Variants in INSL6 observed in about 807,000 individuals in gnomAD.
INSL6 encodes the protein insulin like 6.
Under a neutral mutation model 9.4 loss-of-function variants are expected in INSL6, and 16 were observed. The ratio of observed to expected loss-of-function variants is 1.70; its 90% CI spans 1.15 to 2.59. The LOEUF is 2.59. INSL6 is among the 30% of genes most tolerant of loss of function. INSL6 has a pLI of 0.00. For synonymous variants in INSL6, 154 were observed against 96.9 expected (o/e 1.59, Z -3.46); for missense variants, 391 against 257.3 (o/e 1.52, Z -3.56).
downstream of INSL6, among the ~76,000 whole-genome samples, chr9:5,119,864 T>A (rs965154317): frequency 6.6e-6 from 1 of 152,192 alleles, no homozygotes; most frequent in Admixed American, 6.5e-5. Flanking sequence ...ATTTTTATAT[T>A]TGCAAGTAGA....
chr9:4,993,851 C>T, the INSL6 span, among the ~76,000 whole-genome samples: 22 of 152,354 alleles, frequency 1.4e-4, no homozygotes, highest in African/African-American at 4.1e-4. Context: ...ATTCTCCCCA[C>T]GTCTGTGTGG....
At chr9:4,995,919 G>T in the INSL6 span, among the ~76,000 whole-genome samples, 1 of 151,954 alleles carries the variant, frequency 6.6e-6, no homozygotes, top group African/African-American at 2.4e-5. Flanking sequence ...GCTAACTTAT[G>T]TGTCTGCTCT....
the INSL6 span, among the ~76,000 whole-genome samples, chr9:5,048,852 G>C: frequency 3.9e-5 from 6 of 152,174 alleles, no homozygotes; most frequent in African/African-American, 1.4e-4. Context: ...GAGGGCCCTT[G>C]TCCGGTTTAA....
chr9:5,089,983 C>A, the INSL6 span: 2 of 521,620 alleles, frequency 3.8e-6, no homozygotes, highest in Non-Finnish European at 6.1e-6. Context: ...GAGAGGCATT[C>A]TATAATGACT....
chr9:5,163,582 T>C (rs1564049097), downstream of INSL6, among the ~76,000 whole-genome samples: 1 of 152,154 alleles, frequency 6.6e-6, no homozygotes, highest in Non-Finnish European at 1.5e-5. Context: ...TTGTGTGTCA[T>C]ACAGATGGAA....
chr9:5,069,075 A>G, the INSL6 span: 1 of 1,607,428 alleles, frequency 6.2e-7, no homozygotes, highest in Non-Finnish European at 8.5e-7. Context: ...ATGAGAATGA[A>G]GAGTACAACC....
At chr9:5,094,126 T>C in the INSL6 span, 1 of 152,142 alleles carries the variant, frequency 6.6e-6, no homozygotes, top group Non-Finnish European at 1.5e-5. Context: ...TTTTCCTACT[T>C]ATATTCCCAC....
At chr9:5,002,597 G>A in the INSL6 span, among the ~76,000 whole-genome samples, 2 of 152,062 alleles carry the variant, frequency 1.3e-5, no homozygotes, top group East Asian at 3.9e-4. Context: ...AAGGATGTAT[G>A]TTCTGCAGTT....
the INSL6 span, among the ~76,000 whole-genome samples, chr9:5,102,569 C>G: frequency 1.3e-5 from 2 of 152,122 alleles, no homozygotes; most frequent in Non-Finnish European, 1.5e-5. Flanking sequence ...TCGAGAAGAG[C>G]AACCCCAAGA....
chr9:5,052,134 G>C, the INSL6 span, among the ~76,000 whole-genome samples: 1 of 152,102 alleles, frequency 6.6e-6, no homozygotes, highest in Non-Finnish European at 1.5e-5. Context: ...ACCCATTGAA[G>C]ATGAATGTTA....
chr9:5,080,418 C>T, the INSL6 span: 9 of 1,559,582 alleles, frequency 5.8e-6, no homozygotes, highest in Middle Eastern at 1.7e-4. Flanking sequence ...TACTCTATCT[C>T]TGAACTTTCA....
At chr9:5,057,180 A>AT in the INSL6 span, among the ~76,000 whole-genome samples, 1 of 151,998 alleles carries the variant, frequency 6.6e-6, no homozygotes. Flanking sequence ...TTTCTTGCTG[A>AT]ATTTTATTCA....
chr9:5,150,874 C>CAT (rs1313899772), intron 2 of INSL6, among the ~76,000 whole-genome samples: 4 of 143,758 alleles, frequency 2.8e-5, no homozygotes, highest in African/African-American at 7.4e-5. Flanking sequence ...CACACACACA[C>CAT]ACACACATCA....
the INSL6 span, among the ~76,000 whole-genome samples, chr9:5,030,186 TTA>T: frequency 6.6e-6 from 1 of 152,176 alleles, no homozygotes; most frequent in Non-Finnish European, 1.5e-5. Context: ...ACAGTGGCCT[TTA>T]TTAACAAAAT....
chr9:5,091,932 T>C, the INSL6 span, among the ~76,000 whole-genome samples: 1 of 151,892 alleles, frequency 6.6e-6, no homozygotes. Flanking sequence ...AGTGGTATAG[T>C]TGTTTGGGGG....
the INSL6 span, among the ~76,000 whole-genome samples, chr9:5,043,767 A>T: frequency 0.23 from 35,690 of 152,202 alleles, 4,590 homozygotes; most frequent in South Asian, 0.31. Flanking sequence ...ATTTGGCAAT[A>T]AAAGGAAATG....
chr9:5,152,923 G>A (rs1014063933), intron 2 of INSL6, among the ~76,000 whole-genome samples: 1 of 152,066 alleles, frequency 6.6e-6, no homozygotes, highest in South Asian at 2.1e-4. Flanking sequence ...GTGGAGCGTC[G>A]CCTCACCCGG....
the INSL6 span, chr9:5,065,149 G>GT: frequency 8.1e-5 from 52 of 642,746 alleles, no homozygotes; most frequent in Middle Eastern, 4.6e-4. Flanking sequence ...AATTTGACAA[G>GT]TTTTTTTTAA....
chr9:5,133,789 C>T (rs1056992868), intron 2 of INSL6, among the ~76,000 whole-genome samples: 1 of 151,908 alleles, frequency 6.6e-6, no homozygotes, highest in African/African-American at 2.4e-5. Flanking sequence ...GCCTCTTTTC[C>T]TCCAAAGGAT....
Sources: allele counts gnomAD v4.1 joint callset (sites outside exome capture counted in the v4.1 genomes callset), GRCh38; gene constraint gnomAD v4.1.1; transcripts MANE v1.5; gene names NCBI Gene and HGNC (gene_info 2026-07-23, HGNC 2026-07-21).